Variants in CDH13 observed in about 807,000 individuals in gnomAD.
The protein encoded by CDH13 is cadherin-13.
A neutral mutation model predicts 63.8 loss-of-function variants in CDH13; 24 were observed. That is an observed-to-expected ratio of 0.38 (90% CI 0.27 to 0.53). CDH13 has a LOEUF of 0.53. Ranked by LOEUF, CDH13 falls within the 20% of genes least tolerant of loss-of-function variation. The pLI is 0.85. For synonymous variants in CDH13, 503 were observed against 355.3 expected (o/e 1.42, Z -4.67); for missense variants, 1,049 against 903.1 (o/e 1.16, Z -2.07).
chr16:83,788,774 A>G (rs1383716774), intron 13 of CDH13, among the ~76,000 whole-genome samples: 1 of 152,216 alleles, frequency 6.6e-6, no homozygotes, highest in Non-Finnish European at 1.5e-5. Context: ...CATCCCATCT[A>G]GCATCTGATG....
In CDH13 at chr16:82,814,791, C is replaced by T. The variant is rs77342161; in HGVS notation, c.46-43571C>T. ...ATAGTGGGTCAGTCAGAAGCACAGG[C>T]CACAACCTGGGCCTTGTGACTGGCA... On this transcript the variant is annotated intron_variant, in intron 1 of 13. Coordinates refer to ENST00000567109, the MANE Select transcript of CDH13 (RefSeq NM_001257.5). Among the ~76,000 whole-genome samples, 119 of 152,258 alleles carry T rather than the reference C, an allele frequency of 7.8e-4. No homozygotes were observed. The East Asian group carries it at 0.01, about 13-fold the overall frequency.
chr16:83,562,920 C>G (rs932095291), intron 7 of CDH13, among the ~76,000 whole-genome samples: 1 of 152,162 alleles, frequency 6.6e-6, no homozygotes, highest in African/African-American at 2.4e-5. Flanking sequence ...CCAAGAGGGA[C>G]GAGGACCTGG....
At chr16:83,673,693 A>C (rs570442521) in intron 9 of CDH13, among the ~76,000 whole-genome samples, 1 of 152,340 alleles carries the variant, frequency 6.6e-6, no homozygotes, top group South Asian at 2.1e-4. Context: ...AGCATATATA[A>C]GAATCATCTG....
At chr16:83,573,999 G>T (rs756423141) in intron 7 of CDH13, among the ~76,000 whole-genome samples, 24 of 152,102 alleles carry the variant, frequency 1.6e-4, no homozygotes, top group Non-Finnish European at 3.1e-4. Flanking sequence ...CCCCAGATAC[G>T]CTTGGAGGTA....
At chr16:82,832,242 T>TTTTTA (rs2038573914) in intron 1 of CDH13, among the ~76,000 whole-genome samples, 1 of 66,004 alleles carries the variant, frequency 1.5e-5, no homozygotes, top group African/African-American at 5.4e-5. Context: ...ATTAAACCAC[T>TTTTTA]GTTTAATACT....
At chr16:83,701,145 G>A (rs1906161424) in intron 10 of CDH13, among the ~76,000 whole-genome samples, 2 of 152,102 alleles carry the variant, frequency 1.3e-5, no homozygotes, top group Non-Finnish European at 1.5e-5. Context: ...CCGAAGCCAG[G>A]GCTGGATGAT....
chr16:83,383,099 A>G (rs563478467), intron 6 of CDH13: 3 of 152,288 alleles, frequency 2.0e-5, no homozygotes, highest in Non-Finnish European at 4.4e-5. Context: ...CCTGACTTTC[A>G]TCGTCCCAAC....
chr16:83,385,198 G>A (rs1487190157), intron 6 of CDH13, among the ~76,000 whole-genome samples: 1 of 152,198 alleles, frequency 6.6e-6, no homozygotes, highest in Non-Finnish European at 1.5e-5. Context: ...ATCAGCTGGA[G>A]GTAGTAGTCA....
intron 1 of CDH13, among the ~76,000 whole-genome samples, chr16:82,714,909 T>G (rs1421506900): frequency 7.9e-6 from 1 of 126,566 alleles, no homozygotes; most frequent in Non-Finnish European, 1.7e-5. Flanking sequence ...TTCTGACACT[T>G]TGATTTCAGA....
intron 2 of CDH13, among the ~76,000 whole-genome samples, chr16:82,900,281 T>C (rs981053259): frequency 1.3e-5 from 2 of 152,148 alleles, no homozygotes; most frequent in East Asian, 1.9e-4. Context: ...AATAAGTGAA[T>C]GAGCACAGCA....
intron 4 of CDH13, among the ~76,000 whole-genome samples, chr16:83,202,268 C>T (rs148987237): frequency 4.0e-3 from 603 of 152,244 alleles, no homozygotes; most frequent in African/African-American, 0.013. Context: ...CCAAGCATGG[C>T]GCTTTTGGGG....
chr16:83,193,815 A>G (rs995900436), intron 4 of CDH13, among the ~76,000 whole-genome samples: 1 of 152,158 alleles, frequency 6.6e-6, no homozygotes, highest in Non-Finnish European at 1.5e-5. Flanking sequence ...CATTCCACCT[A>G]TTTAGTGTTC....
intron 10 of CDH13, among the ~76,000 whole-genome samples, chr16:83,697,252 A>G (rs902014916): frequency 1.3e-5 from 2 of 152,206 alleles, no homozygotes; most frequent in Non-Finnish European, 2.9e-5. Context: ...TTGAGCTCAA[A>G]CAAGGCCTTC....
chr16:83,102,948 CTTTTTTT>C (rs71148813), intron 3 of CDH13, among the ~76,000 whole-genome samples: 1 of 69,028 alleles, frequency 1.4e-5, no homozygotes, highest in African/African-American at 7.0e-5. Flanking sequence ...TTTTCTTTTT[CTTTTTTT>C]TTTTTTTTTT....
At chr16:83,300,606 A>C (rs1032577741) in intron 5 of CDH13, among the ~76,000 whole-genome samples, 10 of 152,346 alleles carry the variant, frequency 6.6e-5, no homozygotes, top group African/African-American at 2.4e-4. Context: ...CTGGGGACGC[A>C]GTGTTGGACA....
intron 1 of CDH13, among the ~76,000 whole-genome samples, chr16:82,704,053 C>A (rs2031278697): frequency 6.6e-6 from 1 of 152,118 alleles, no homozygotes; most frequent in Admixed American, 6.5e-5. Flanking sequence ...TAAAAAAACC[C>A]ATGACACTGC....
intron 7 of CDH13, among the ~76,000 whole-genome samples, chr16:83,501,469 C>G (rs1311190756): frequency 6.6e-6 from 1 of 152,050 alleles, no homozygotes; most frequent in East Asian, 1.9e-4. Context: ...ATTCTCCATT[C>G]TTATTTCCTC....
In CDH13 at chr16:83,570,247, A is replaced by G. The variant is rs1011829346; in HGVS notation, c.961-32207A>G. Among the ~76,000 whole-genome samples the G allele has an allele frequency of 9.2e-5, 14 of 152,254 alleles. 2 individuals carry two copies. The highest frequency in any genetic ancestry group is 7.2e-4 in the Admixed American group (11 of 15,290). On this transcript the variant is annotated intron_variant, in intron 7 of 13. Transcript: ENST00000567109. ...ATCGTAGATGCCAAACAGAGTATCC[A>G]CTTACCTTGGTGGCCACAAAACCAC...
At chr16:82,989,271 T>C (rs1225127647) in intron 2 of CDH13, among the ~76,000 whole-genome samples, 1 of 152,188 alleles carries the variant, frequency 6.6e-6, no homozygotes, top group Non-Finnish European at 1.5e-5. Context: ...CACTCACAAG[T>C]ACAAGTCTGC....
Sources: gnomAD v4.1 joint callset for allele counts (sites outside exome capture counted in the v4.1 genomes callset) on GRCh38, gnomAD v4.1.1 for gene constraint, MANE v1.5 for transcripts, NCBI Gene and HGNC (gene_info 2026-07-23, HGNC 2026-07-21) for gene names.